Variants in ATP2A2 observed in about 807,000 individuals in gnomAD.
The protein encoded by ATP2A2 is ATPase sarcoplasmic/endoplasmic reticulum Ca2+ transporting 2, also known as sarcoplasmic/endoplasmic reticulum calcium ATPase 2.
In ATP2A2, 14 loss-of-function variants were observed where a neutral mutation model predicts 109.3. That is an observed-to-expected ratio of 0.13 (90% confidence interval 0.08 to 0.20). The LOEUF is 0.20. Among genes scored for constraint, ATP2A2 ranks in the 10% least tolerant of loss-of-function variants. ATP2A2 has a pLI of 1.00. For missense variants in ATP2A2, 657 were observed against 1,321.6 expected (o/e 0.50, Z 7.80); for synonymous variants, 506 against 490.9 (o/e 1.03, Z -0.41).
Position 110,342,135 on chromosome 12 carries a change from AT to A in ATP2A2, c.2098-89del. On this transcript the variant is annotated intron_variant, in intron 14 of 19. Coordinates refer to ENST00000539276, the MANE Select transcript of ATP2A2 (RefSeq NM_170665.4). The surrounding 1 kb of genome is among the most constrained non-coding windows in gnomAD (Gnocchi z 4.6). Reference sequence around the variant, plus strand: ...TGCCAAGAGACCTACGGCTCTATTCATTTTCCTCCTGCTTCCCATTCAGTGG... The same window carrying A: ...TGCCAAGAGACCTACGGCTCTATTCATTTCCTCCTGCTTCCCATTCAGTGG... 7.0e-7 allele frequency: 1 copy of A among 1,429,870 alleles called. No homozygotes were observed. The allele number at this position is 1,429,870 out of a possible 1,614,324, so 88.6% of individuals were successfully genotyped here. A position where few individuals can be genotyped will look rare whatever the true frequency, so the allele number is the denominator to read the frequency against.
At chr12:110,284,688 T>G (rs1230018407) in intron 3 of ATP2A2, among the ~76,000 whole-genome samples, 1 of 152,226 alleles carries the variant, frequency 6.6e-6, no homozygotes, top group Non-Finnish European at 1.5e-5. Flanking sequence ...TGTGGAGCAT[T>G]ATAGAGCTAT....
In ATP2A2 at chr12:110,340,809, A is replaced by G. The variant is rs199966458; in HGVS notation, c.1912A>G (p.Ile638Val). 42 of 1,614,110 alleles carry G rather than the reference A, an allele frequency of 2.6e-5. No homozygotes were observed. Among genetic ancestry groups the G allele is most frequent in the Admixed American group, 1.0e-4 (6 of 60,014 alleles). ...KGTAVAICRR[I>V]GIFGQDEDVT... ...CACTGCTGTGGCCATCTGTCGCCGCATCGGCATCTTCGGGCAGGATGAGGA... is the reference window on the plus strand; with the variant it reads ...CACTGCTGTGGCCATCTGTCGCCGCGTCGGCATCTTCGGGCAGGATGAGGA... The change falls in exon 14 of 20, where the codon ATC becomes GTC. Residue 638 changes from isoleucine (I) to valine (V), a missense_variant. Physicochemically the swap from Ile to Val is conservative, Grantham distance 29 (BLOSUM62 3). Transcript: ENST00000539276. This position sits in a 1 kb window ranked among gnomAD's most constrained non-coding sequence, Gnocchi z 6.0.
In ATP2A2 at chr12:110,323,184, C is replaced by T. The variant is rs552248703; in HGVS notation, c.544+112C>T. The T allele has an allele frequency of 4.1e-5, 35 of 853,452 alleles. No homozygotes were observed. In the East Asian group the frequency reaches 7.2e-4, roughly 18 times the overall value. 52.9% of individuals were successfully genotyped at this position (853,452 alleles called of 1,614,324 possible). Reference sequence around the variant, plus strand: ...TTATGGTATCCCATCTTAATCCTCTCTAAGATACTTATTTCTTAGTGCTTT... The same window carrying T: ...TTATGGTATCCCATCTTAATCCTCTTTAAGATACTTATTTCTTAGTGCTTT... On this transcript the variant is annotated intron_variant, in intron 6 of 19. Coordinates refer to ENST00000539276, the MANE Select transcript of ATP2A2 (RefSeq NM_170665.4).
intron 5 of ATP2A2, among the ~76,000 whole-genome samples, chr12:110,319,223 G>GAAAAAAA (rs59623372): frequency 2.5e-4 from 16 of 63,450 alleles, no homozygotes; most frequent in South Asian, 1.2e-3. Flanking sequence ...AATAAAAAAT[G>GAAAAAAA]AAAAAAAAAA....
intron 11 of ATP2A2, among the ~76,000 whole-genome samples, chr12:110,337,963 C>T (rs1180506511): frequency 3.3e-5 from 5 of 152,196 alleles, no homozygotes; most frequent in African/African-American, 7.2e-5. Context: ...TTGTAGGTAA[C>T]GATATAAAGC....
chr12:110,325,252 G>A (rs1467768006), intron 6 of ATP2A2, among the ~76,000 whole-genome samples: 1 of 152,166 alleles, frequency 6.6e-6, no homozygotes, highest in Admixed American at 6.5e-5. Flanking sequence ...AATATTGAGA[G>A]TGAAGTTTGC....
chr12:110,350,883 CTTATT>C lies in ATP2A2; in HGVS notation c.*4415_*4419del, dbSNP rs1318841593. On this transcript the variant is annotated 3_prime_UTR_variant, in exon 20 of 20. Transcript: ENST00000539276. ...CTATTTCGCACTGTATTAAATGTAA[CTTATT>C]TAATGAAATCAGAAGCAGTAGACAG... The C allele has an allele frequency of 6.5e-6, 1 of 154,746 alleles. No homozygotes were observed. Among genetic ancestry groups the C allele is most frequent in the Non-Finnish European group, 1.4e-5 (1 of 69,544 alleles). 9.6% of individuals were successfully genotyped at this position (154,746 alleles called of 1,614,324 possible). A position where few individuals can be genotyped will look rare whatever the true frequency, so the allele number is the denominator to read the frequency against.
chr12:110,294,121 G>GC, intron 4 of ATP2A2, among the ~76,000 whole-genome samples: 1 of 151,802 alleles, frequency 6.6e-6, no homozygotes. Context: ...TTGGCTCACT[G>GC]CAAGCTCCGC....
At chr12:110,299,275 A>AT (rs1180420792) in intron 5 of ATP2A2, among the ~76,000 whole-genome samples, 3 of 151,774 alleles carry the variant, frequency 2.0e-5, no homozygotes, top group East Asian at 1.9e-4. Context: ...CCTGGCCCAC[A>AT]TTTTTTTTAA....
At position 110,281,813 on chromosome 12, in the gene ATP2A2, G is replaced by T; in HGVS notation, c.24G>T (p.Thr8=). Residue 8 remains threonine, a synonymous_variant, in exon 1 of 20, where the codon ACG becomes ACT. Coordinates refer to ENST00000539276, the MANE Select transcript of ATP2A2 (RefSeq NM_170665.4). MENAHTK[T]VEEVLGHFGV... is the part of the protein sequence containing the mutation. ...CCATGGAGAACGCGCACACCAAGAC[G>T]GTGGAGGAGGTGCTGGGCCACTTCG... 1 of 1,546,798 alleles carries T rather than the reference G, an allele frequency of 6.5e-7. No homozygotes were observed. The highest frequency in any genetic ancestry group is 1.2e-5 in the South Asian group (1 of 82,796).
chr12:110,291,506 G>T (rs1873292207), intron 3 of ATP2A2, among the ~76,000 whole-genome samples: 1 of 152,030 alleles, frequency 6.6e-6, no homozygotes. Context: ...GTGCCCAGCT[G>T]AAGTATAGTT....
intron 4 of ATP2A2, among the ~76,000 whole-genome samples, chr12:110,293,407 T>G (rs2137708560): frequency 6.8e-6 from 1 of 146,590 alleles, no homozygotes; most frequent in Non-Finnish European, 1.5e-5. Flanking sequence ...GTTTGTTTGT[T>G]TGTTTTGACC....
In ATP2A2 at chr12:110,327,496, G is replaced by T; in HGVS notation, c.631-57G>T. ...GTGCCCTAGTCAAAAACCAGCGTCG[G>T]TATTTAAGTTGGGATGTGGTATTCA... On this transcript the variant is annotated intron_variant, in intron 7 of 19. Transcript: ENST00000539276. The surrounding 1 kb of genome is among the most constrained non-coding windows in gnomAD (Gnocchi z 4.4). 2.0e-6 allele frequency: 3 copies of T among 1,527,846 alleles called. No individual in the cohort carries two copies. The highest frequency in any genetic ancestry group is 2.7e-6 in the Non-Finnish European group (3 of 1,101,496). 94.6% of individuals were successfully genotyped at this position (1,527,846 alleles called of 1,614,324 possible).
chr12:110,282,928 A>C, intron 3 of ATP2A2, 133 bp downstream of exon 3: 1 of 807,086 alleles, frequency 1.2e-6, no homozygotes, highest in Non-Finnish European at 2.0e-6. Flanking sequence ...GTTTAAAAAC[A>C]ATCTGGGCAT....
chr12:110,342,564 G>C lies in ATP2A2; in HGVS notation c.2318+116G>C. 1 of 1,253,094 alleles carries C rather than the reference G, an allele frequency of 8.0e-7. No individual in the cohort carries two copies. Among genetic ancestry groups the C allele is most frequent in the Admixed American group, 2.0e-5 (1 of 50,698 alleles). 77.6% of individuals were successfully genotyped at this position (1,253,094 alleles called of 1,614,324 possible). ...CAGCTTTGGTCTTTGTGCCTGAGTT[G>C]GAAGAGGGGAGTGGGCAAGACAGAA... On this transcript the variant is annotated intron_variant, in intron 15 of 19. Transcript: ENST00000539276. The surrounding 1 kb of genome is among the most constrained non-coding windows in gnomAD (Gnocchi z 4.6).
rs570929041 is a variant in ATP2A2, at chr12:110,306,518, C to G, written c.463+9781C>G. 7.9e-5 allele frequency among the ~76,000 whole-genome samples: 12 copies of G among 152,216 alleles called. 1 individual carries two copies. The South Asian group carries it at 2.3e-3, about 29-fold the overall frequency. Reference sequence around the variant, plus strand: ...TTTTTCAGCCCTCGCCCCTCTTTCCCTCCCACTTTTTGGAGTGCCCAGTGT... The same window carrying G: ...TTTTTCAGCCCTCGCCCCTCTTTCCGTCCCACTTTTTGGAGTGCCCAGTGT... On this transcript the variant is annotated intron_variant, in intron 5 of 19. Coordinates refer to ENST00000539276, the MANE Select transcript of ATP2A2 (RefSeq NM_170665.4).
rs956273789 is a variant in ATP2A2, at chr12:110,345,303, G to A, written c.2662G>A (p.Ala888Thr). ...CCCGGACTTTGAAGGCGTGGATTGT[G>A]CAATCTTTGAATCCCCATACCCGAT... ...DNPDFEGVDC[A>T]IFESPYPMTM... is the part of the protein sequence containing the mutation. The change falls in exon 18 of 20, where the codon GCA becomes ACA. Residue 888 changes from alanine to threonine, a missense_variant. By Grantham distance (58) the Ala-to-Thr change is moderately conservative. Around this residue, in one of 9 missense-constraint regions of ATP2A2, gnomAD observed 125 missense variants for 243.5 expected, o/e 0.51. Transcript: ENST00000539276. The A allele has an allele frequency of 3.1e-6, 5 of 1,614,050 alleles. No homozygotes were observed. The highest frequency in any genetic ancestry group is 1.7e-5 in the Admixed American group (1 of 59,998).
At chr12:110,313,152 G>A (rs180824106) in intron 5 of ATP2A2, among the ~76,000 whole-genome samples, 45 of 152,096 alleles carry the variant, frequency 3.0e-4, no homozygotes, top group Middle Eastern at 3.4e-3. Flanking sequence ...TCATGGGGCT[G>A]GCATTTCCTT....
chr12:110,345,244 T>G lies in ATP2A2; in HGVS notation c.2608-5T>G. The stretch of plus-strand genomic sequence containing the variant: ...TGATAGGAATTTGATTGGATTTTCT[T>G]GCAGAGTCATTTCCTACAGTGTAAA... On this transcript the variant is annotated splice_region_variant and splice_polypyrimidine_tract_variant and intron_variant, in intron 17 of 19. Transcript: ENST00000539276. The G allele has an allele frequency of 6.2e-7, 1 of 1,614,202 alleles. No homozygotes were observed. The highest frequency in any genetic ancestry group is 2.2e-5 in the East Asian group (1 of 44,882).
Sources: gnomAD v4.1 joint callset for allele counts (sites outside exome capture counted in the v4.1 genomes callset) on GRCh38, gnomAD v4.1.1 for gene constraint, gnomAD v4.1.1 regional missense constraint, Gnocchi (gnomAD v3.1) non-coding constraint, MANE v1.5 for transcripts, NCBI Gene and HGNC (gene_info 2026-07-23, HGNC 2026-07-21) for gene names.